Variants in UCP1 observed in about 807,000 individuals in gnomAD.
UCP1 encodes the protein uncoupling protein 1.
Under a neutral mutation model 26.2 loss-of-function variants are expected in UCP1, and 24 were observed. The observed-to-expected ratio is 0.92, with a 90% CI of 0.66 to 1.29. The LOEUF (loss-of-function observed/expected upper bound fraction) is 1.29. UCP1 is among the 50% of genes most tolerant of loss of function. The pLI is 0.00. For missense variants in UCP1, 402 were observed against 388.7 expected (o/e 1.03, Z -0.29); for synonymous variants, 164 against 156.8 (o/e 1.05, Z -0.34).
At position 140,559,992 on chromosome 4, in the gene UCP1, C is replaced by G. The variant is rs776088994; in HGVS notation, c.828G>C (p.Leu276Phe). The G allele has an allele frequency of 6.2e-7, 1 of 1,613,576 alleles. No individual in the cohort carries two copies. The highest frequency in any genetic ancestry group is 2.2e-5 in the East Asian group (1 of 44,876). ...TAATGACGTTCCAGGATCCAAGTCG[C>G]AAGAAGGAAGGTACCAACCTAGAAA... Reference protein sequence around the residue: ...AFFKGLVPSFLRLGSWNVIMF... With the variant: ...AFFKGLVPSFFRLGSWNVIMF... Residue 276 changes from leucine to phenylalanine, a missense_variant, in exon 6 of 6, where the codon TTG becomes TTC. Transcript: ENST00000262999.
At position 140,568,046 on chromosome 4, in the gene UCP1, CT is replaced by C. The variant is rs557718796; in HGVS notation, c.127-70del. 2.3e-5 allele frequency: 36 copies of C among 1,542,054 alleles called. No individual in the cohort carries two copies. In the Admixed American group the frequency reaches 4.0e-4, roughly 17 times the overall value. On this transcript the variant is annotated intron_variant, in intron 1 of 5. Coordinates refer to ENST00000262999, the MANE Select transcript of UCP1 (RefSeq NM_021833.5). The stretch of plus-strand genomic sequence containing the variant: ...TTCACTCTTAAGCCAAGATTTCCCC[CT>C]GTGTTCCTATTTTCCGTTTCTTTTC...
chr4:140,562,717 T>C (rs1051564031), intron 4 of UCP1, among the ~76,000 whole-genome samples: 2 of 152,156 alleles, frequency 1.3e-5, no homozygotes, highest in African/African-American at 2.4e-5. Flanking sequence ...ACCTATCTTA[T>C]GGTATTACTT....
Position 140,563,304 on chromosome 4 carries a change from T to C in UCP1, c.526+14A>G, listed in dbSNP as rs1429163210. 5.0e-6 allele frequency: 8 copies of C among 1,614,136 alleles called. No homozygotes were observed. Among genetic ancestry groups the C allele is most frequent in the Non-Finnish European group, 6.8e-6 (8 of 1,180,008 alleles). Reference sequence around the variant, plus strand: ...TGCTTTGGTGGTTATAAAACCCATTTTGAAGTTAGTTACCTTTCCAAAGAC... The same window carrying C: ...TGCTTTGGTGGTTATAAAACCCATTCTGAAGTTAGTTACCTTTCCAAAGAC... On this transcript the variant is annotated intron_variant, in intron 3 of 5. Transcript: ENST00000262999.
chr4:140,568,477 A>C, intron 1 of UCP1, 127 bp downstream of exon 1: 5 of 1,486,624 alleles, frequency 3.4e-6, no homozygotes, highest in Non-Finnish European at 4.6e-6. Flanking sequence ...ACAAGGCCAG[A>C]CTGCTTTGGA....
At chr4:140,566,134 A>C (rs1161447931) in intron 2 of UCP1, among the ~76,000 whole-genome samples, 1 of 152,220 alleles carries the variant, frequency 6.6e-6, no homozygotes, top group African/African-American at 2.4e-5. Context: ...TGTTCATTCA[A>C]CAACCAATTT....
chr4:140,565,323 T>A (rs1735772789), intron 2 of UCP1, among the ~76,000 whole-genome samples: 7 of 152,194 alleles, frequency 4.6e-5, no homozygotes, highest in Admixed American at 4.6e-4. Flanking sequence ...TCAATTCAAT[T>A]ATACTTTCTC....
intron 4 of UCP1, 34 bp from the exon 5 acceptor site, chr4:140,562,407 A>G: frequency 6.2e-7 from 1 of 1,611,326 alleles, no homozygotes; most frequent in East Asian, 2.2e-5. Flanking sequence ...TCAACATCAG[A>G]CTTTTGGGGG....
At chr4:140,560,078 G>A in intron 5 of UCP1, 68 bp from the exon 6 acceptor site, 9 of 1,327,906 alleles carry the variant, frequency 6.8e-6, no homozygotes, top group Admixed American at 1.8e-5. Context: ...TTTGAGATGA[G>A]GCTTCACCCT....
At chr4:140,568,023 C>T (rs768769266) in intron 1 of UCP1, 46 bp from the exon 2 acceptor site, 4 of 1,601,532 alleles carry the variant, frequency 2.5e-6, no homozygotes, top group Non-Finnish European at 3.4e-6. Context: ...AAATTGAGTT[C>T]ACTCTTAAGC....
At chr4:140,567,679 G>C (rs564208960) in intron 2 of UCP1, 100 bp downstream of exon 2, 3 of 1,445,006 alleles carry the variant, frequency 2.1e-6, no homozygotes, top group Non-Finnish European at 2.9e-6. Flanking sequence ...ATGTTTTCTC[G>C]CCAATTTGTT....
At position 140,567,916 on chromosome 4, in the gene UCP1, G is replaced by C; in HGVS notation, c.188C>G (p.Thr63Ser). The C allele has an allele frequency of 2.5e-6, 4 of 1,614,178 alleles. No homozygotes were observed. Among genetic ancestry groups the C allele is most frequent in the Non-Finnish European group, 3.4e-6 (4 of 1,180,034 alleles). ...CCGCCCTTCTGTTTTTACCACAGCG[G>C]TGATTGTTCCCAGGACACCTTTATA... is the stretch of plus-strand genomic sequence containing the variant. ...IRYKGVLGTI[T>S]AVVKTEGRMK... Residue 63 changes from threonine (T) to serine (S), a missense_variant, in exon 2 of 6, where the codon ACC becomes AGC. Thr to Ser is a moderately conservative substitution (Grantham distance 58). Coordinates refer to ENST00000262999, the MANE Select transcript of UCP1 (RefSeq NM_021833.5).
chr4:140,560,203 C>A (rs1428356358), intron 5 of UCP1, among the ~76,000 whole-genome samples, 193 bp from the exon 6 acceptor site: 3 of 152,060 alleles, frequency 2.0e-5, no homozygotes, highest in African/African-American at 7.2e-5. Context: ...AGAGACTGCA[C>A]CACCACACTC....
At position 140,560,002 on chromosome 4, in the gene UCP1, G is replaced by C. The variant is rs1560841961; in HGVS notation, c.818C>G (p.Pro273Arg). 1 of 1,613,386 alleles carries C rather than the reference G, an allele frequency of 6.2e-7. No homozygotes were observed. The stretch of plus-strand genomic sequence containing the variant: ...CCAGGATCCAAGTCGCAAGAAGGAA[G>C]GTACCAACCTAGAAAAGTGCATGTC... ...GPTAFFKGLV[P>R]SFLRLGSWNV... is the part of the protein sequence containing the mutation. The change falls in exon 6 of 6, where the codon CCT becomes CGT. Residue 273 changes from proline to arginine, a missense_variant. Physicochemically the swap from Pro to Arg is moderately radical, Grantham distance 103. Coordinates refer to ENST00000262999, the MANE Select transcript of UCP1 (RefSeq NM_021833.5).
At position 140,563,331 on chromosome 4, in the gene UCP1, C is replaced by T. The variant is rs754333261; in HGVS notation, c.513G>A (p.Thr171=). Residue 171 remains threonine (T), a synonymous_variant, in exon 3 of 6, where the codon ACG becomes ACA. Coordinates refer to ENST00000262999, the MANE Select transcript of UCP1 (RefSeq NM_021833.5). ...YRIIATTEGL[T]GLWKGTTPNL... ...GAAGTTAGTTACCTTTCCAAAGACCCGTCAAGCCTTCGGTTGTTGCTATTA... is the reference window on the plus strand; with the variant it reads ...GAAGTTAGTTACCTTTCCAAAGACCTGTCAAGCCTTCGGTTGTTGCTATTA... 4 of 1,613,988 alleles carry T rather than the reference C, an allele frequency of 2.5e-6. No homozygotes were observed. Among genetic ancestry groups the T allele is most frequent in the South Asian group, 1.1e-5 (1 of 91,090 alleles).
At chr4:140,561,440 A>T (rs902066398) in intron 5 of UCP1, among the ~76,000 whole-genome samples, 6 of 151,564 alleles carry the variant, frequency 4.0e-5, no homozygotes, top group African/African-American at 1.5e-4. Flanking sequence ...GAAACCTTGA[A>T]CTCCTGGGCT....
chr4:140,565,674 G>A (rs1053291379), intron 2 of UCP1, among the ~76,000 whole-genome samples: 2 of 152,026 alleles, frequency 1.3e-5, no homozygotes, highest in Non-Finnish European at 2.9e-5. Flanking sequence ...CTGAGTCTTT[G>A]CACATGACCT....
chr4:140,561,616 G>A (rs1735678979), intron 5 of UCP1, among the ~76,000 whole-genome samples: 1 of 152,182 alleles, frequency 6.6e-6, no homozygotes, highest in Non-Finnish European at 1.5e-5. Flanking sequence ...TGGGATTACA[G>A]GTGCGAGCCA....
At position 140,563,118 on chromosome 4, in the gene UCP1, A is replaced by G. The variant is rs141199693; in HGVS notation, c.620T>C (p.Ile207Thr). The G allele has an allele frequency of 3.0e-5, 49 of 1,613,090 alleles. No homozygotes were observed. Among genetic ancestry groups the G allele is most frequent in the Non-Finnish European group, 4.1e-5 (48 of 1,179,400 alleles). ...ATGAAATGGGAAGTTACCTGCTAATATGTTGTTTTTCACAAAGGCCTCCTT... is the reference window on the plus strand; with the variant it reads ...ATGAAATGGGAAGTTACCTGCTAATGTGTTGTTTTTCACAAAGGCCTCCTT... ...LMKEAFVKNN[I>T]LADDVPCHLV... The change falls in exon 4 of 6, where the codon ATA (isoleucine) becomes ACA (threonine). Residue 207 changes from isoleucine (I) to threonine (T), a missense_variant. Transcript: ENST00000262999.
At chr4:140,564,766 G>A (rs1002247237) in intron 2 of UCP1, among the ~76,000 whole-genome samples, 43 of 152,090 alleles carry the variant, frequency 2.8e-4, no homozygotes, top group African/African-American at 1.0e-3. Flanking sequence ...GCACTACAAC[G>A]TAGTGTATCT....
Sources: allele counts gnomAD v4.1 joint callset (sites outside exome capture counted in the v4.1 genomes callset), GRCh38; gene constraint gnomAD v4.1.1; transcripts MANE v1.5; gene names NCBI Gene and HGNC (gene_info 2026-07-23, HGNC 2026-07-21).